The following MNS1 variants were observed in gnomAD, a reference collection of about 807,000 sequenced individuals.
The protein encoded by MNS1 is meiosis specific nuclear structural 1.
MNS1 carries 63 observed loss-of-function variants against 72.0 expected under a neutral mutation model. That is an observed-to-expected ratio of 0.87 (90% CI 0.71 to 1.08). MNS1 has a LOEUF of 1.08. Ranked by LOEUF, MNS1 falls within the 50% of genes least tolerant of loss-of-function variation. MNS1 has a pLI of 0.00. For synonymous variants in MNS1, 188 were observed against 172.1 expected (o/e 1.09, Z -0.72); for missense variants, 604 against 562.4 (o/e 1.07, Z -0.75).
rs757082403 is a variant in MNS1 at position 56,446,840 on chromosome 15, C to G, written c.456+1G>C. 1 of 1,591,834 alleles carries G rather than the reference C, an allele frequency of 6.3e-7. No individual in the cohort carries two copies. The highest frequency in any genetic ancestry group is 1.7e-5 in the Admixed American group (1 of 59,742). ...AACATAATGACCAGAAACATGATTA[C>G]CATTTGTTCATATTTAATGGCATCC... On this transcript the variant is annotated splice_donor_variant, in intron 4 of 9. Transcript: ENST00000260453. LOFTEE classifies it high-confidence loss of function.
At chr15:56,432,002 T>C (rs1255577097) in intron 8 of MNS1, among the ~76,000 whole-genome samples, 3 of 152,190 alleles carry the variant, frequency 2.0e-5, no homozygotes, top group South Asian at 2.1e-4. Context: ...CTGGGCCATA[T>C]AGAAAAGATG....
At position 56,465,115 on chromosome 15, in the gene MNS1, G is replaced by T. The variant is rs2051051403; in HGVS notation, c.-143C>A. 9.1e-7 allele frequency: 1 copy of T among 1,103,734 alleles called. No homozygotes were observed. Among genetic ancestry groups the T allele is most frequent in the South Asian group, 1.5e-5 (1 of 68,244 alleles). 68.4% of individuals were successfully genotyped at this position (1,103,734 alleles called of 1,614,324 possible). ...GGCGTCTTGGCAACGGTGGAGCTGC[G>T]CGCCCTCCGCTCGACCAAAAGTGAC... On this transcript the variant is annotated 5_prime_UTR_variant, in exon 1 of 10. Transcript: ENST00000260453.
At chr15:56,463,306 C>T (rs1489991433) in intron 2 of MNS1, among the ~76,000 whole-genome samples, 2 of 152,014 alleles carry the variant, frequency 1.3e-5, no homozygotes, top group African/African-American at 2.4e-5. Context: ...AAAGGCAACA[C>T]AATTGTACTT....
At chr15:56,434,678 T>G (rs2140331226) in intron 7 of MNS1, among the ~76,000 whole-genome samples, 1 of 152,278 alleles carries the variant, frequency 6.6e-6, no homozygotes, top group Admixed American at 6.5e-5. Context: ...TGGAAAGAGC[T>G]GTTACAAAAG....
chr15:56,461,458 CA>C (rs1172743339), intron 2 of MNS1, among the ~76,000 whole-genome samples: 2 of 151,978 alleles, frequency 1.3e-5, no homozygotes, highest in African/African-American at 4.8e-5. Flanking sequence ...GTCAGGAGTT[CA>C]AGACCAGCCT....
chr15:56,460,009 A>AAAAAAAAAAAAAAAATATAT lies in MNS1; in HGVS notation c.226-3489_226-3488insATATATTTTTTTTTTTTTTT. Reference sequence around the variant, plus strand: ...CTGTCTCAAAAAAAAAAAAAAAAAAAATACATATATATATATATATATATA... The same window carrying AAAAAAAAAAAAAAAATATAT: ...CTGTCTCAAAAAAAAAAAAAAAAAAAAAAAAAAAAAAAAAATATATATACATATATATATATATATATATA... On this transcript the variant is annotated intron_variant, in intron 2 of 9. Transcript: ENST00000260453. 4.2e-4 allele frequency among the ~76,000 whole-genome samples: 11 copies of AAAAAAAAAAAAAAAATATAT among 26,382 alleles called. 2 individuals carry two copies. Among genetic ancestry groups the AAAAAAAAAAAAAAAATATAT allele is most frequent in the East Asian group, 1.1e-3 (1 of 876 alleles). The allele number at this position is 26,382 out of a possible 152,430, so 17.3% of individuals were successfully genotyped here.
At chr15:56,452,433 AC>A (rs2050953430) in intron 3 of MNS1, among the ~76,000 whole-genome samples, 1 of 151,986 alleles carries the variant, frequency 6.6e-6, no homozygotes, top group African/African-American at 2.4e-5. Flanking sequence ...TAACTTAGGC[AC>A]CCTCTACTTA....
intron 4 of MNS1, 147 bp downstream of exon 4, chr15:56,446,694 C>G (rs2050906746): frequency 1.7e-6 from 1 of 604,180 alleles, no homozygotes; most frequent in Non-Finnish European, 2.8e-6. Flanking sequence ...GCAGGATTTT[C>G]TACATCTTAA....
chr15:56,444,323 G>A, intron 5 of MNS1, 121 bp downstream of exon 5: 1 of 741,582 alleles, frequency 1.3e-6, no homozygotes, highest in Non-Finnish European at 2.1e-6. Context: ...TTCATAGCTA[G>A]TATTTATTGA....
chr15:56,434,746 T>C (rs1240287658), intron 7 of MNS1, among the ~76,000 whole-genome samples: 2 of 152,132 alleles, frequency 1.3e-5, no homozygotes, highest in Non-Finnish European at 2.9e-5. Context: ...TGAATCATTC[T>C]AGAATCTTGC....
At chr15:56,436,101 C>G (rs561751391) in intron 7 of MNS1, among the ~76,000 whole-genome samples, 1 of 152,220 alleles carries the variant, frequency 6.6e-6, no homozygotes, top group East Asian at 1.9e-4. Flanking sequence ...CTGCACCAAG[C>G]AGACCTAATA....
At chr15:56,462,451 A>T (rs1003638767) in intron 2 of MNS1, among the ~76,000 whole-genome samples, 1 of 152,202 alleles carries the variant, frequency 6.6e-6, no homozygotes, top group Admixed American at 6.5e-5. Context: ...TTGCCAAAAA[A>T]GGTGGACCGC....
chr15:56,460,007 A>ATATATATATATATATATATATATATAT (rs1555449663), intron 2 of MNS1, among the ~76,000 whole-genome samples: 1 of 27,614 alleles, frequency 3.6e-5, no homozygotes, highest in Non-Finnish European at 7.1e-5. Flanking sequence ...AAAAAAAAAA[A>ATATATATATATATATATATATATATAT]AAATACATAT....
At chr15:56,443,878 A>G (rs757859845) in intron 5 of MNS1, 24 bp from the exon 6 acceptor site, 89 of 1,485,286 alleles carry the variant, frequency 6.0e-5, no homozygotes, top group Non-Finnish European at 7.2e-5. Flanking sequence ...ACAAGTACAG[A>G]TTTATAGTAA....
At chr15:56,440,720 TAC>T (rs1418641875) in intron 7 of MNS1, among the ~76,000 whole-genome samples, 10 of 152,208 alleles carry the variant, frequency 6.6e-5, no homozygotes, top group Non-Finnish European at 1.5e-5. Flanking sequence ...TTGAAAAAGT[TAC>T]ATATTGTTTG....
chr15:56,460,032 A>ATATATATATATG (rs1567154831), intron 2 of MNS1, among the ~76,000 whole-genome samples: 1 of 105,976 alleles, frequency 9.4e-6, no homozygotes. Context: ...ATATATATAT[A>ATATATATATATG]TATGTGACTA....
intron 7 of MNS1, among the ~76,000 whole-genome samples, chr15:56,436,291 G>A (rs537813301): frequency 6.6e-6 from 1 of 152,270 alleles, no homozygotes; most frequent in African/African-American, 2.4e-5. Context: ...TAGAACTCAG[G>A]ATTAAGAAAC....
rs369564423 is a variant in MNS1 at position 56,464,999 on chromosome 15, C to A, written c.-27G>T. Reference sequence around the variant, plus strand: ...TTGGCTGACGAAAAATACCCCCTCTCGTGGGACCGCGGCCACCACCTCCCG... The same window carrying A: ...TTGGCTGACGAAAAATACCCCCTCTAGTGGGACCGCGGCCACCACCTCCCG... On this transcript the variant is annotated 5_prime_UTR_variant, in exon 1 of 10. Coordinates refer to ENST00000260453, the MANE Select transcript of MNS1 (RefSeq NM_018365.4). 2 of 1,607,184 alleles carry A rather than the reference C, an allele frequency of 1.2e-6. No homozygotes were observed. The highest frequency in any genetic ancestry group is 3.4e-5 in the Admixed American group (2 of 58,906).
At chr15:56,434,044 C>A in intron 8 of MNS1, 94 bp downstream of exon 8, 1 of 1,318,614 alleles carries the variant, frequency 7.6e-7, no homozygotes, top group Non-Finnish European at 1.0e-6. Context: ...CATTGTCTGG[C>A]ATATAAAGCT....
Sources: gnomAD v4.1 joint callset for allele counts (sites outside exome capture counted in the v4.1 genomes callset) on GRCh38, gnomAD v4.1.1 for gene constraint, MANE v1.5 for transcripts, NCBI Gene and HGNC (gene_info 2026-07-23, HGNC 2026-07-21) for gene names.